The following ZBTB20 variants were observed in gnomAD, a reference collection of about 807,000 sequenced individuals.
The protein encoded by ZBTB20 is zinc finger and BTB domain-containing protein 20.
A neutral mutation model predicts 56.9 loss-of-function variants in ZBTB20; 9 were observed. That is an observed-to-expected ratio of 0.16 (90% confidence interval 0.10 to 0.28). The LOEUF (loss-of-function observed/expected upper bound fraction) is 0.28. ZBTB20 is among the 10% of genes least tolerant of loss of function. The probability of loss-of-function intolerance (pLI) is 1.00; values close to 1 mark genes in which losing one functional copy is unlikely to be tolerated. For missense variants in ZBTB20, 655 were observed against 1,003.0 expected (o/e 0.65, Z 4.69); for synonymous variants, 417 against 420.7 (o/e 0.99, Z 0.11).
chr3:114,655,268 C>T lies in ZBTB20; in HGVS notation c.-295+38260G>A, dbSNP rs1389082624. On this transcript the variant is annotated intron_variant, in intron 6 of 11. Coordinates refer to ENST00000675478, the MANE Select transcript of ZBTB20 (RefSeq NM_001348800.3). ...TTTTTTTTTTTTTTTTTTTTTGAGA[C>T]GGAGTCTCGCTTTGTCGCCCAGGCC... 8.0e-5 allele frequency among the ~76,000 whole-genome samples: 4 copies of T among 49,828 alleles called. No homozygotes were observed. In the Admixed American group the frequency reaches 1.0e-3, roughly 13 times the overall value. 32.7% of individuals were successfully genotyped at this position (49,828 alleles called of 152,430 possible).
intron 4 of ZBTB20, among the ~76,000 whole-genome samples, chr3:114,842,467 G>T (rs1385256848): frequency 2.0e-5 from 3 of 152,054 alleles, no homozygotes; most frequent in Non-Finnish European, 4.4e-5. Flanking sequence ...AAGATAATTT[G>T]TGGATATGGA....
At chr3:114,709,469 T>TA (rs2063919411) in intron 5 of ZBTB20, among the ~76,000 whole-genome samples, 1 of 152,106 alleles carries the variant, frequency 6.6e-6, no homozygotes, top group South Asian at 2.1e-4. Flanking sequence ...CCATGACACT[T>TA]AAGAATGAAC....
intron 1 of ZBTB20, among the ~76,000 whole-genome samples, chr3:115,087,155 A>G (rs114828625): frequency 1.1e-4 from 17 of 151,884 alleles, no homozygotes; most frequent in South Asian, 8.3e-4. Flanking sequence ...CCATCTAATG[A>G]TATCAATTTA....
chr3:114,991,731 G>A (rs917795439), intron 2 of ZBTB20, among the ~76,000 whole-genome samples: 7 of 152,136 alleles, frequency 4.6e-5, no homozygotes, highest in Admixed American at 2.0e-4. Context: ...ATTATTATGT[G>A]GGAGTCTAAG....
At chr3:115,082,707 T>G (rs2082841047) in intron 1 of ZBTB20, among the ~76,000 whole-genome samples, 1 of 152,028 alleles carries the variant, frequency 6.6e-6, no homozygotes, top group Non-Finnish European at 1.5e-5. Context: ...AAGCATACTA[T>G]TTTCTACACA....
chr3:114,586,653 T>C (rs922028398), intron 6 of ZBTB20, among the ~76,000 whole-genome samples: 14 of 152,212 alleles, frequency 9.2e-5, no homozygotes, highest in South Asian at 8.3e-4. Flanking sequence ...AATTAATAAC[T>C]AGGGCCATCC....
Position 114,762,638 on chromosome 3 carries a change from A to G in ZBTB20, c.-343+38463T>C, listed in dbSNP as rs191744174. On this transcript the variant is annotated intron_variant, in intron 5 of 11. Coordinates refer to ENST00000675478, the MANE Select transcript of ZBTB20 (RefSeq NM_001348800.3). Reference sequence around the variant, plus strand: ...GTTTATTCTATGGATATTGGCTGAGATATTTTGTATGGGAAAACCAGCAGA... The same window carrying G: ...GTTTATTCTATGGATATTGGCTGAGGTATTTTGTATGGGAAAACCAGCAGA... 9.9e-5 allele frequency among the ~76,000 whole-genome samples: 15 copies of G among 152,256 alleles called. 1 individual carries two copies. In the East Asian group the frequency reaches 2.3e-3, roughly 23 times the overall value.
chr3:114,971,194 GATTCAGATT>G, intron 3 of ZBTB20, among the ~76,000 whole-genome samples: 1 of 152,164 alleles, frequency 6.6e-6, no homozygotes, highest in African/African-American at 2.4e-5. Context: ...TTTTTCGGAA[GATTCAGATT>G]ATTCAAAGTG....
At chr3:114,527,634 T>C (rs1464605090) in intron 6 of ZBTB20, among the ~76,000 whole-genome samples, 2 of 152,188 alleles carry the variant, frequency 1.3e-5, no homozygotes, top group African/African-American at 4.8e-5. Context: ...GCTGTCAGGC[T>C]AGGGTAAGGG....
intron 2 of ZBTB20, among the ~76,000 whole-genome samples, chr3:115,015,751 G>A (rs949903706): frequency 6.6e-6 from 1 of 151,774 alleles, no homozygotes; most frequent in Non-Finnish European, 1.5e-5. Context: ...CCATGTCTCT[G>A]TTATTGTGAA....
intron 8 of ZBTB20, among the ~76,000 whole-genome samples, chr3:114,382,403 T>C (rs1005253349): frequency 2.0e-5 from 3 of 152,196 alleles, no homozygotes; most frequent in African/African-American, 7.2e-5. Context: ...GTGTCCTGTA[T>C]ATTGGCCATA....
Position 114,649,662 on chromosome 3 carries a change from A to G in ZBTB20, c.-295+43866T>C, listed in dbSNP as rs993058304. 4.6e-5 allele frequency among the ~76,000 whole-genome samples: 7 copies of G among 152,012 alleles called. No homozygotes were observed. In the East Asian group the frequency reaches 1.3e-3, roughly 29 times the overall value. On this transcript the variant is annotated intron_variant, in intron 6 of 11. Coordinates refer to ENST00000675478, the MANE Select transcript of ZBTB20 (RefSeq NM_001348800.3). The stretch of plus-strand genomic sequence containing the variant: ...GATCTCAAGCTTTCTATATATAGAA[A>G]AAAAACAAATTCTAATCCAAACTTT...
chr3:114,750,660 C>T (rs529170098), intron 5 of ZBTB20, among the ~76,000 whole-genome samples: 6 of 152,274 alleles, frequency 3.9e-5, no homozygotes, highest in African/African-American at 1.2e-4. Context: ...TTGTGTTTCA[C>T]GTCCCACTGT....
At chr3:114,890,077 C>T (rs2076749176) in intron 4 of ZBTB20, among the ~76,000 whole-genome samples, 1 of 152,058 alleles carries the variant, frequency 6.6e-6, no homozygotes, top group African/African-American at 2.4e-5. Flanking sequence ...AACTTAAATC[C>T]CTCTCTTCTA....
At chr3:114,771,426 T>A (rs1156620775) in intron 5 of ZBTB20, among the ~76,000 whole-genome samples, 2 of 152,158 alleles carry the variant, frequency 1.3e-5, no homozygotes, top group Non-Finnish European at 2.9e-5. Context: ...GTAAAAAAAA[T>A]AGTTAAAAAT....
chr3:114,578,753 A>G (rs2054345248), intron 6 of ZBTB20, among the ~76,000 whole-genome samples: 1 of 151,790 alleles, frequency 6.6e-6, no homozygotes, highest in Non-Finnish European at 1.5e-5. Flanking sequence ...AGTTATATGA[A>G]ATATATGTAT....
At chr3:114,709,691 C>A (rs1242197191) in intron 5 of ZBTB20, among the ~76,000 whole-genome samples, 1 of 152,170 alleles carries the variant, frequency 6.6e-6, no homozygotes, top group East Asian at 1.9e-4. Context: ...ATCCAGGCAT[C>A]TTCATTGAAA....
At chr3:114,489,486 T>C (rs1008002850) in intron 7 of ZBTB20, among the ~76,000 whole-genome samples, 1 of 152,172 alleles carries the variant, frequency 6.6e-6, no homozygotes, top group Non-Finnish European at 1.5e-5. Flanking sequence ...GTGCTATTTA[T>C]AAAGAGTTTT....
intron 7 of ZBTB20, among the ~76,000 whole-genome samples, chr3:114,408,623 T>C (rs970060328): frequency 7.2e-5 from 11 of 152,230 alleles, no homozygotes; most frequent in African/African-American, 2.4e-4. Context: ...TGTTTGCACT[T>C]TCGCAGTCTG....
Sources: allele counts gnomAD v4.1 joint callset (sites outside exome capture counted in the v4.1 genomes callset), GRCh38; gene constraint gnomAD v4.1.1; transcripts MANE v1.5; gene names NCBI Gene and HGNC (gene_info 2026-07-23, HGNC 2026-07-21).